The following STRBP variants were observed in gnomAD, a reference collection of about 807,000 sequenced individuals.
STRBP encodes the protein spermatid perinuclear RNA-binding protein.
A neutral mutation model predicts 80.1 loss-of-function variants in STRBP; 13 were observed. The ratio of observed to expected loss-of-function variants is 0.16; its 90% CI spans 0.11 to 0.26. The LOEUF (loss-of-function observed/expected upper bound fraction) is 0.26, where lower values mean the gene tolerates loss of function less well. Ranked by LOEUF, STRBP falls within the 10% of genes least tolerant of loss-of-function variation. The pLI is 1.00. For missense variants in STRBP, 485 were observed against 815.2 expected (o/e 0.59, Z 4.93); for synonymous variants, 284 against 291.2 (o/e 0.98, Z 0.25).
At chr9:123,232,864 T>A (rs1054836425) in intron 2 of STRBP, among the ~76,000 whole-genome samples, 2 of 152,212 alleles carry the variant, frequency 1.3e-5, no homozygotes, top group Non-Finnish European at 2.9e-5. Flanking sequence ...AGAAGACAGC[T>A]GATTCTTATT....
chr9:123,124,215 G>A lies in STRBP; in HGVS notation c.*1382C>T, dbSNP rs907451219. On this transcript the variant is annotated 3_prime_UTR_variant, in exon 19 of 19. Transcript: ENST00000348403. ...GTTCCCAAAAGCAGAACTGAATAGG[G>A]AAAATGAAAGCTAATTCATACTAAA... The A allele has an allele frequency of 5.1e-6, 5 of 985,266 alleles. No homozygotes were observed. The African/African-American group carries it at 7.0e-5, about 14-fold the overall frequency. The allele number at this position is 985,266 out of a possible 1,614,324, so 61.0% of individuals were successfully genotyped here.
chr9:123,170,548 T>A (rs996065333), intron 5 of STRBP, among the ~76,000 whole-genome samples: 1 of 152,154 alleles, frequency 6.6e-6, no homozygotes, highest in East Asian at 1.9e-4. Context: ...AAAAAGTATC[T>A]CTGCACAGTC....
intron 1 of STRBP, among the ~76,000 whole-genome samples, chr9:123,243,009 G>C (rs1485877188): frequency 6.6e-6 from 1 of 151,872 alleles, no homozygotes; most frequent in African/African-American, 2.4e-5. Context: ...ACCAAGAAAA[G>C]CTAAAACAAT....
chr9:123,199,248 T>C (rs1222214779), intron 2 of STRBP, among the ~76,000 whole-genome samples: 1 of 152,248 alleles, frequency 6.6e-6, no homozygotes, highest in African/African-American at 2.4e-5. Context: ...TGCCTACTTT[T>C]ATACCAGCAC....
At chr9:123,208,257 G>A (rs576309410) in intron 2 of STRBP, among the ~76,000 whole-genome samples, 6 of 152,096 alleles carry the variant, frequency 3.9e-5, no homozygotes, top group Admixed American at 6.6e-5. Context: ...CACCAAAGAA[G>A]GTAATACTGC....
chr9:123,221,920 C>G (rs2040080450), intron 2 of STRBP, among the ~76,000 whole-genome samples: 1 of 152,132 alleles, frequency 6.6e-6, no homozygotes, highest in African/African-American at 2.4e-5. Flanking sequence ...TACTTTGAGA[C>G]TGTGTAAATA....
At chr9:123,112,553 C>T (rs1588429701) in intron 3 of STRBP, 1 of 167,462 alleles carries the variant, frequency 6.0e-6, no homozygotes, top group African/African-American at 2.4e-5. Context: ...TGCCTAGAAA[C>T]CCCTCTGAGA....
chr9:123,182,484 GACTA>G, intron 3 of STRBP, among the ~76,000 whole-genome samples: 1 of 152,214 alleles, frequency 6.6e-6, no homozygotes, highest in East Asian at 1.9e-4. Context: ...AGAATATCAA[GACTA>G]TAAGAAATGA....
chr9:123,173,541 C>G (rs2038097278), intron 5 of STRBP, 136 bp downstream of exon 5: 3 of 842,786 alleles, frequency 3.6e-6, no homozygotes, highest in Middle Eastern at 3.6e-4. Context: ...TAGTCATTGA[C>G]CCAGAGTAGC....
chr9:123,167,390 T>C (rs2037815648), intron 6 of STRBP, among the ~76,000 whole-genome samples: 1 of 152,110 alleles, frequency 6.6e-6, no homozygotes, highest in African/African-American at 2.4e-5. Context: ...TTTTATCCCA[T>C]GCAGCTGAAA....
chr9:123,256,264 C>T (rs932879812), intron 1 of STRBP, among the ~76,000 whole-genome samples: 4 of 151,956 alleles, frequency 2.6e-5, no homozygotes, highest in Admixed American at 1.3e-4. Flanking sequence ...ACTGATCCTC[C>T]GCCTTGGTGT....
At chr9:123,212,635 A>G (rs1209628283) in intron 2 of STRBP, 7 of 152,228 alleles carry the variant, frequency 4.6e-5, no homozygotes, top group Non-Finnish European at 5.9e-5. Context: ...GATCCTTCAC[A>G]TGACTATCAA....
chr9:123,124,349 T>C lies in STRBP; in HGVS notation c.*1248A>G, dbSNP rs772666050. 25 of 985,346 alleles carry C rather than the reference T, an allele frequency of 2.5e-5. No individual in the cohort carries two copies. Among genetic ancestry groups the C allele is most frequent in the Middle Eastern group, 5.2e-4 (1 of 1,936 alleles). The allele number at this position is 985,346 out of a possible 1,614,324, so 61.0% of individuals were successfully genotyped here. On this transcript the variant is annotated 3_prime_UTR_variant, in exon 19 of 19. Transcript: ENST00000348403. Reference sequence around the variant, plus strand: ...TGAAACCATTGACCTAGTAACATCATTGGCTTTCCAAACAAGGTGAGAATG... The same window carrying C: ...TGAAACCATTGACCTAGTAACATCACTGGCTTTCCAAACAAGGTGAGAATG...
chr9:123,173,607 T>G (rs1327062757), intron 5 of STRBP, 70 bp downstream of exon 5: 2 of 1,506,690 alleles, frequency 1.3e-6, no homozygotes, highest in African/African-American at 2.8e-5. Flanking sequence ...TGGTTAATAA[T>G]TTTTTCAAAG....
intron 1 of STRBP, among the ~76,000 whole-genome samples, chr9:123,264,497 G>A (rs1442868413): frequency 6.6e-6 from 1 of 152,124 alleles, no homozygotes; most frequent in Non-Finnish European, 1.5e-5. Flanking sequence ...AAAACCACAG[G>A]GGAGAAAAAA....
intron 1 of STRBP, among the ~76,000 whole-genome samples, chr9:123,264,676 C>T (rs187945585): frequency 6.6e-6 from 1 of 152,150 alleles, no homozygotes; most frequent in Non-Finnish European, 1.5e-5. Flanking sequence ...AAGTCACCAG[C>T]GAAAATAAAA....
intron 13 of STRBP, 65 bp downstream of exon 13, chr9:123,146,790 G>A: frequency 1.5e-6 from 2 of 1,327,144 alleles, no homozygotes; most frequent in Non-Finnish European, 2.1e-6. Flanking sequence ...TTTATTATAG[G>A]AAAATAAGCA....
At position 123,123,814 on chromosome 9, in the gene STRBP, T is replaced by G. The variant is rs1344062463; in HGVS notation, c.*1783A>C. The G allele has an allele frequency of 1.0e-6, 1 of 985,302 alleles. No homozygotes were observed. Among genetic ancestry groups the G allele is most frequent in the African/African-American group, 1.7e-5 (1 of 57,226 alleles). 61.0% of individuals were successfully genotyped at this position (985,302 alleles called of 1,614,324 possible). On this transcript the variant is annotated 3_prime_UTR_variant, in exon 19 of 19. Transcript: ENST00000348403. ...TTTAATTAATAAAAACTGGACACTA[T>G]CAGCCATGCTTTTTCTTCTCAGTGA... is the stretch of plus-strand genomic sequence containing the variant.
intron 1 of STRBP, 48 bp from the exon 2 acceptor site, chr9:123,237,014 A>T (rs2040582610): frequency 6.6e-6 from 1 of 152,330 alleles, no homozygotes; most frequent in Non-Finnish European, 1.5e-5. Flanking sequence ...CACACCTGTA[A>T]TTCCAGCTAC....
Sources: allele counts gnomAD v4.1 joint callset (sites outside exome capture counted in the v4.1 genomes callset), GRCh38; gene constraint gnomAD v4.1.1; transcripts MANE v1.5; gene names NCBI Gene and HGNC (gene_info 2026-07-23, HGNC 2026-07-21).